The following ABCB5 variants were observed in gnomAD, a reference collection of about 807,000 sequenced individuals.
ABCB5 encodes the protein ATP binding cassette subfamily B member 5.
A neutral mutation model predicts 144.2 loss-of-function variants in ABCB5; 155 were observed. The observed-to-expected ratio is 1.08, with a 90% CI of 0.94 to 1.23. The LOEUF is 1.23. Among genes scored for constraint, ABCB5 ranks in the 50% most tolerant of loss-of-function variants. ABCB5 has a pLI of 0.00. For missense variants in ABCB5, 1,830 were observed against 1,520.8 expected (o/e 1.20, Z -3.38); for synonymous variants, 610 against 528.6 (o/e 1.15, Z -2.11).
rs147340449 is a variant in ABCB5, at chr7:20,755,585, C to T, written c.3735C>T (p.Asp1245=). The change falls in exon 28 of 28, where the codon GAC becomes GAT. Residue 1245 remains aspartate, a synonymous_variant. Coordinates refer to ENST00000404938, the MANE Select transcript of ABCB5 (RefSeq NM_001163941.2). Reference sequence around the variant, plus strand: ...ATCAAGAGCTCCTGAGAAATCGAGACATATATTTTAAGTTAGTGAATGCAC... The same window carrying T: ...ATCAAGAGCTCCTGAGAAATCGAGATATATATTTTAAGTTAGTGAATGCAC... ...GTHQELLRNR[D]IYFKLVNAQS... is the part of the protein sequence containing the mutation. The T allele has an allele frequency of 5.6e-6, 9 of 1,614,158 alleles. No homozygotes were observed. Among genetic ancestry groups the T allele is most frequent in the Non-Finnish European group, 1.7e-6 (2 of 1,180,026 alleles).
intron 1 of ABCB5, among the ~76,000 whole-genome samples, chr7:20,622,602 C>T (rs901181850): frequency 6.6e-6 from 1 of 152,048 alleles, no homozygotes; most frequent in South Asian, 2.1e-4. Context: ...ACAACTGAGA[C>T]TGAGTCACAA....
chr7:20,643,413 C>T lies in ABCB5; in HGVS notation c.506+38C>T, dbSNP rs557169551. On this transcript the variant is annotated intron_variant, in intron 6 of 27. Coordinates refer to ENST00000404938, the MANE Select transcript of ABCB5 (RefSeq NM_001163941.2). ...TATTGTAGTACGTTAGCTTTGTTTT[C>T]ATATGTGACATGTAAATGACCTAAC... 1.8e-5 allele frequency: 29 copies of T among 1,613,238 alleles called. No individual in the cohort carries two copies. The African/African-American group carries it at 3.7e-4, about 21-fold the overall frequency.
rs140630052 is a variant in ABCB5 at position 20,672,698 on chromosome 7, T to G, written c.1708-8807T>G. On this transcript the variant is annotated intron_variant, in intron 14 of 27. Coordinates refer to ENST00000404938, the MANE Select transcript of ABCB5 (RefSeq NM_001163941.2). ...TTTGAGTTAATTATTATATGTGATA[T>G]AAGGTACAGTTTAAGGTTCCTTTTG... 8.5e-4 allele frequency among the ~76,000 whole-genome samples: 129 copies of G among 152,346 alleles called. 1 individual carries two copies. Among genetic ancestry groups the G allele is most frequent in the Admixed American group, 3.3e-3 (50 of 15,302 alleles).
At chr7:20,620,433 T>G (rs1192827701) in intron 1 of ABCB5, among the ~76,000 whole-genome samples, 1 of 152,048 alleles carries the variant, frequency 6.6e-6, no homozygotes. Context: ...TTTTGCTTAT[T>G]AAAGGAAACT....
At chr7:20,627,833 A>G (rs531264716) in intron 3 of ABCB5, among the ~76,000 whole-genome samples, 1 of 152,322 alleles carries the variant, frequency 6.6e-6, no homozygotes, top group Non-Finnish European at 1.5e-5. Context: ...GGTGAGCCAG[A>G]GCGTTGAAAA....
At chr7:20,689,029 A>T (rs1326006914) in intron 16 of ABCB5, among the ~76,000 whole-genome samples, 1 of 152,084 alleles carries the variant, frequency 6.6e-6, no homozygotes, top group Non-Finnish European at 1.5e-5. Flanking sequence ...TGACGAGTTA[A>T]TGGGTACAGC....
intron 9 of ABCB5, 200 bp from the exon 10 acceptor site, chr7:20,647,333 CTG>C: frequency 7.5e-7 from 1 of 1,325,952 alleles, no homozygotes; most frequent in East Asian, 3.0e-5. Flanking sequence ...TTGGATTAAT[CTG>C]TGTTTCTATT....
At chr7:20,728,525 G>T in intron 23 of ABCB5, 70 bp downstream of exon 23, 4 of 1,535,876 alleles carry the variant, frequency 2.6e-6, no homozygotes, top group Non-Finnish European at 3.5e-6. Flanking sequence ...AGGCTGAGGC[G>T]GGTGGATCAC....
intron 1 of ABCB5, among the ~76,000 whole-genome samples, chr7:20,622,995 C>A (rs768574740): frequency 6.6e-6 from 1 of 152,096 alleles, no homozygotes; most frequent in African/African-American, 2.4e-5. Context: ...TGGAATCTGA[C>A]TTTCCTTCTT....
Position 20,723,175 on chromosome 7 carries a change from G to A in ABCB5, c.2581G>A (p.Gly861Arg). 3 of 1,614,112 alleles carry A rather than the reference G, an allele frequency of 1.9e-6. No individual in the cohort carries two copies. Among genetic ancestry groups the A allele is most frequent in the South Asian group, 1.1e-5 (1 of 91,078 alleles). The change falls in exon 21 of 28, where the codon GGA (glycine) becomes AGA (arginine). Residue 861 changes from glycine (G) to arginine (R), a missense_variant. Physicochemically the swap from Gly to Arg is moderately radical, Grantham distance 125. Coordinates refer to ENST00000404938, the MANE Select transcript of ABCB5 (RefSeq NM_001163941.2). ...AATGATTGAAACCGCAGCAATGACTGGATTTGCCAACAAAGATAAGCAAGA... is the reference window on the plus strand; with the variant it reads ...AATGATTGAAACCGCAGCAATGACTAGATTTGCCAACAAAGATAAGCAAGA... Reference protein sequence around the residue: ...TGMIETAAMTGFANKDKQELK... With the variant: ...TGMIETAAMTRFANKDKQELK...
Position 20,658,570 on chromosome 7 carries a change from C to T in ABCB5, c.1601C>T (p.Ala534Val), listed in dbSNP as rs1344042401. The T allele has an allele frequency of 6.2e-7, 1 of 1,614,098 alleles. No homozygotes were observed. Among genetic ancestry groups the T allele is most frequent in the Non-Finnish European group, 8.5e-7 (1 of 1,180,014 alleles). The change falls in exon 14 of 28, where the codon GCA becomes GTA. Residue 534 changes from alanine (A) to valine (V), a missense_variant. By Grantham distance (64) the Ala-to-Val change is moderately conservative (BLOSUM62 0). Transcript: ENST00000404938. The stretch of plus-strand genomic sequence containing the variant: ...AGTGGAGGGCAGAAACAGAGGATCG[C>T]AATTGCTCGTGCCTTAGTTCGAAAC... ...QMSGGQKQRI[A>V]IARALVRNPK...
chr7:20,680,988 TTC>T (rs1353585317), intron 14 of ABCB5, among the ~76,000 whole-genome samples: 1 of 17,058 alleles, frequency 5.9e-5, no homozygotes, highest in South Asian at 4.1e-3. Context: ...CTTTCTTTCT[TTC>T]TTTCTTTCTT....
chr7:20,667,572 GGA>G lies in ABCB5; in HGVS notation c.1707+8900_1707+8901del, dbSNP rs1176537296. The G allele has an allele frequency of 6.2e-6, 6 of 964,078 alleles. No homozygotes were observed. The African/African-American group carries it at 8.8e-5, about 14-fold the overall frequency. 59.7% of individuals were successfully genotyped at this position (964,078 alleles called of 1,614,324 possible). A position where few individuals can be genotyped will look rare whatever the true frequency, so the allele number is the denominator to read the frequency against. On this transcript the variant is annotated intron_variant, in intron 14 of 27. Coordinates refer to ENST00000404938, the MANE Select transcript of ABCB5 (RefSeq NM_001163941.2). ...CATACACATTAATTTGAGAACTGTT[GGA>G]GAGTATTGTGAAATCATTGAGCTAA...
chr7:20,704,297 G>A (rs1031451853), intron 19 of ABCB5, among the ~76,000 whole-genome samples: 5 of 151,624 alleles, frequency 3.3e-5, no homozygotes, highest in Admixed American at 1.3e-4. Context: ...GGCTGGTCTC[G>A]ACCCCCTAGA....
intron 24 of ABCB5, among the ~76,000 whole-genome samples, chr7:20,741,542 T>C (rs1782561275): frequency 6.8e-6 from 1 of 146,364 alleles, no homozygotes; most frequent in African/African-American, 2.5e-5. Flanking sequence ...CTACACTACT[T>C]TTAAATTTTG....
At chr7:20,618,339 C>T (rs915418995) in intron 1 of ABCB5, among the ~76,000 whole-genome samples, 5 of 152,148 alleles carry the variant, frequency 3.3e-5, no homozygotes, top group Non-Finnish European at 7.4e-5. Flanking sequence ...TACCATAATA[C>T]TTTCAAGGTT....
intron 14 of ABCB5, among the ~76,000 whole-genome samples, chr7:20,666,572 G>C (rs1250054227): frequency 1.3e-5 from 2 of 152,090 alleles, no homozygotes; most frequent in Non-Finnish European, 2.9e-5. Flanking sequence ...ATAATGACCT[G>C]GTGATGTATG....
In ABCB5 at chr7:20,643,535, T is replaced by G. The variant is rs759547568; in HGVS notation, c.581T>G (p.Ile194Ser). The change falls in exon 7 of 28, where the codon ATT (isoleucine) becomes AGT (serine). Residue 194 changes from isoleucine to serine, a missense_variant. By Grantham distance (142) the Ile-to-Ser change is moderately radical (BLOSUM62 -2). Transcript: ENST00000404938. Reference sequence around the variant, plus strand: ...TTTCAAAACATGTCTACTTTTTCGATTGGCCTGGCAGTTGGTTTGGTGAAG... The same window carrying G: ...TTTCAAAACATGTCTACTTTTTCGAGTGGCCTGGCAGTTGGTTTGGTGAAG... ...LLFQNMSTFS[I>S]GLAVGLVKGW... is the part of the protein sequence containing the mutation. 1.2e-6 allele frequency: 2 copies of G among 1,613,916 alleles called. No individual in the cohort carries two copies. The highest frequency in any genetic ancestry group is 1.7e-6 in the Non-Finnish European group (2 of 1,179,896).
rs920731109 is a variant in ABCB5 at position 20,659,185 on chromosome 7, T to C, written c.1707+509T>C. 3.7e-6 allele frequency: 6 copies of C among 1,611,326 alleles called. No homozygotes were observed. The Admixed American group carries it at 8.3e-5, about 22-fold the overall frequency. ...CCTCACCCTGACCTCCTGCTGCCTA[T>C]GAGCTACTGCACATACCTCAAGGCC... On this transcript the variant is annotated intron_variant, in intron 14 of 27. Coordinates refer to ENST00000404938, the MANE Select transcript of ABCB5 (RefSeq NM_001163941.2).
Sources: allele counts gnomAD v4.1 joint callset (sites outside exome capture counted in the v4.1 genomes callset), GRCh38; gene constraint gnomAD v4.1.1; transcripts MANE v1.5; gene names NCBI Gene and HGNC (gene_info 2026-07-23, HGNC 2026-07-21).